MGAT4D: variants seen among roughly 807,000 people sequenced by gnomAD.
The protein encoded by MGAT4D is MGAT4 family member D.
Under a neutral mutation model 15.9 loss-of-function variants are expected in MGAT4D, and 34 were observed. The ratio of observed to expected loss-of-function variants is 2.14; its 90% CI spans 1.62 to 2.84. MGAT4D has a LOEUF of 2.84. MGAT4D is among the 30% of genes most tolerant of loss of function. The probability of loss-of-function intolerance (pLI) is 0.00; values close to 1 mark genes in which losing one functional copy is unlikely to be tolerated. For missense variants in MGAT4D, 327 were observed against 140.2 expected (o/e 2.33, Z -6.73); for synonymous variants, 112 against 48.2 (o/e 2.33, Z -5.49).
At chr4:140,495,822 T>C (rs1733801138) in intron 1 of MGAT4D, among the ~76,000 whole-genome samples, 3 of 152,164 alleles carry the variant, frequency 2.0e-5, no homozygotes, top group Admixed American at 1.3e-4. Context: ...CTGCAACCTC[T>C]GTCTCCTGGG....
At chr4:140,455,221 CTT>C (rs898770551) in intron 9 of MGAT4D, among the ~76,000 whole-genome samples, 1 of 152,092 alleles carries the variant, frequency 6.6e-6, no homozygotes, top group Admixed American at 6.5e-5. Context: ...AGTCTATAAG[CTT>C]TCTCTCTAAG....
intron 2 of MGAT4D, among the ~76,000 whole-genome samples, chr4:140,480,248 AG>A (rs1560791864): frequency 6.6e-6 from 1 of 152,202 alleles, no homozygotes; most frequent in Admixed American, 6.5e-5. Context: ...CAGAAAAGAC[AG>A]TTGATAAAGG....
intron 10 of MGAT4D, among the ~76,000 whole-genome samples, chr4:140,446,690 G>A (rs1730144122): frequency 8.5e-6 from 1 of 117,744 alleles, no homozygotes; most frequent in African/African-American, 3.3e-5. Flanking sequence ...CTCTGATTTT[G>A]GTTACTTCCT....
intron 8 of MGAT4D, chr4:140,458,660 C>T (rs1730967116): frequency 6.6e-6 from 1 of 152,058 alleles, no homozygotes; most frequent in Admixed American, 6.6e-5. Context: ...ACTAAATGAA[C>T]ATAAAACAAC....
Position 140,456,726 on chromosome 4 carries a change from A to G in MGAT4D, c.878-7T>C. 1 of 644,960 alleles carries G rather than the reference A, an allele frequency of 1.6e-6. No homozygotes were observed. The highest frequency in any genetic ancestry group is 2.8e-5 in the East Asian group (1 of 35,914). 40.0% of individuals were successfully genotyped at this position (644,960 alleles called of 1,614,324 possible). Reference sequence around the variant, plus strand: ...TCAGATCTAAACAGCTTTCCTATGGAAAAAAATACAATTAGATGCAAATAA... The same window carrying G: ...TCAGATCTAAACAGCTTTCCTATGGGAAAAAATACAATTAGATGCAAATAA... On this transcript the variant is annotated splice_region_variant and splice_polypyrimidine_tract_variant and intron_variant, in intron 8 of 10. Transcript: ENST00000511113.
At chr4:140,495,983 T>A (rs1197594113) in intron 1 of MGAT4D, among the ~76,000 whole-genome samples, 1 of 152,184 alleles carries the variant, frequency 6.6e-6, no homozygotes, top group Non-Finnish European at 1.5e-5. Context: ...TCCACCTGCC[T>A]CAGTCTCCCA....
chr4:140,452,204 A>G (rs1404807476), intron 9 of MGAT4D, among the ~76,000 whole-genome samples: 1 of 151,778 alleles, frequency 6.6e-6, no homozygotes, highest in Non-Finnish European at 1.5e-5. Flanking sequence ...AACAATAAAA[A>G]CCCCACAAAC....
intron 7 of MGAT4D, among the ~76,000 whole-genome samples, chr4:140,460,290 A>G (rs1400817883): frequency 2.0e-5 from 3 of 152,178 alleles, no homozygotes; most frequent in African/African-American, 7.2e-5. Context: ...AAACATTTAT[A>G]TTTCATAGTC....
intron 3 of MGAT4D, among the ~76,000 whole-genome samples, chr4:140,477,572 T>C (rs1414425339): frequency 1.3e-5 from 2 of 152,230 alleles, no homozygotes; most frequent in Non-Finnish European, 2.9e-5. Flanking sequence ...GCAGAATATA[T>C]GAAGCTTGTC....
At chr4:140,468,112 G>A (rs1217563986) in intron 5 of MGAT4D, among the ~76,000 whole-genome samples, 2 of 145,080 alleles carry the variant, frequency 1.4e-5, no homozygotes, top group Non-Finnish European at 3.0e-5. Context: ...ATATTAAATA[G>A]TGAATATTCA....
chr4:140,454,842 T>C (rs955991256), intron 9 of MGAT4D, among the ~76,000 whole-genome samples: 1 of 152,140 alleles, frequency 6.6e-6, no homozygotes, highest in African/African-American at 2.4e-5. Context: ...TTTTGGTGGA[T>C]TTCATTTTTA....
At chr4:140,449,053 A>T (rs1730302588) in intron 10 of MGAT4D, among the ~76,000 whole-genome samples, 2 of 152,232 alleles carry the variant, frequency 1.3e-5, no homozygotes, top group African/African-American at 4.8e-5. Context: ...AATTGGCCCT[A>T]TGCCCAGTGC....
intron 10 of MGAT4D, among the ~76,000 whole-genome samples, chr4:140,450,714 C>A (rs903651160): frequency 6.6e-6 from 1 of 152,110 alleles, no homozygotes; most frequent in Non-Finnish European, 1.5e-5. Flanking sequence ...TGTAAAGACA[C>A]TAAGGGTAGA....
chr4:140,482,207 TCA>T, intron 2 of MGAT4D, 118 bp downstream of exon 2: 1 of 475,352 alleles, frequency 2.1e-6, no homozygotes, highest in Admixed American at 4.2e-5. Context: ...TTTGCACGTC[TCA>T]CAATAAAAGA....
chr4:140,451,314 T>C, intron 10 of MGAT4D, 96 bp downstream of exon 10: 1 of 408,824 alleles, frequency 2.4e-6, no homozygotes, highest in Non-Finnish European at 4.3e-6. Context: ...AACAACCATA[T>C]TTTATAGTGT....
intron 1 of MGAT4D, among the ~76,000 whole-genome samples, chr4:140,497,659 C>T (rs911863973): frequency 6.6e-6 from 1 of 152,152 alleles, no homozygotes; most frequent in African/African-American, 2.4e-5. Context: ...ACGCAAAAAA[C>T]ACTCCAGGGA....
chr4:140,478,536 A>C (rs1732488821), intron 3 of MGAT4D, among the ~76,000 whole-genome samples: 1 of 152,220 alleles, frequency 6.6e-6, no homozygotes, highest in Non-Finnish European at 1.5e-5. Context: ...TGAACTCAAG[A>C]AGTTTCTTAA....
intron 4 of MGAT4D, among the ~76,000 whole-genome samples, chr4:140,474,275 C>A (rs890243543): frequency 1.3e-5 from 2 of 152,096 alleles, no homozygotes; most frequent in Non-Finnish European, 2.9e-5. Context: ...AGATCTAGGT[C>A]CATTATCCCT....
At chr4:140,460,671 A>G (rs991758714) in intron 7 of MGAT4D, among the ~76,000 whole-genome samples, 1 of 152,204 alleles carries the variant, frequency 6.6e-6, no homozygotes, top group Non-Finnish European at 1.5e-5. Flanking sequence ...CCCTGCCTAT[A>G]TAAAAACTAC....
Sources: gnomAD v4.1 joint callset for allele counts (sites outside exome capture counted in the v4.1 genomes callset) on GRCh38, gnomAD v4.1.1 for gene constraint, MANE v1.5 for transcripts, NCBI Gene and HGNC (gene_info 2026-07-23, HGNC 2026-07-21) for gene names.